The following CDYL2 variants were observed in gnomAD, a reference collection of about 807,000 sequenced individuals.
CDYL2 encodes chromodomain Y like 2, also known as chromodomain Y-like protein 2.
CDYL2 carries 23 observed loss-of-function variants against 49.4 expected under a neutral mutation model. That is an observed-to-expected ratio of 0.47 (90% confidence interval 0.34 to 0.66). CDYL2 has a LOEUF of 0.66. Ranked by LOEUF, CDYL2 falls within the 30% of genes least tolerant of loss-of-function variation. CDYL2 has a pLI of 0.01. For synonymous variants in CDYL2, 360 were observed against 268.8 expected, an observed-to-expected ratio of 1.34 and a Z score of -3.32; for missense variants, 678 against 656.4, an observed-to-expected ratio of 1.03 and a Z score of -0.36.
chr16:80,647,121 A>C (rs1228892544), intron 2 of CDYL2, among the ~76,000 whole-genome samples: 2 of 152,202 alleles, frequency 1.3e-5, no homozygotes, highest in Admixed American at 6.5e-5. Flanking sequence ...GCCACAAATA[A>C]AATTAAATAC....
chr16:80,616,673 C>A (rs928981092), intron 4 of CDYL2, among the ~76,000 whole-genome samples: 11 of 152,170 alleles, frequency 7.2e-5, no homozygotes, highest in Non-Finnish European at 1.0e-4. Flanking sequence ...CTCCAACCCA[C>A]CCCTTAGTCC....
intron 2 of CDYL2, among the ~76,000 whole-genome samples, chr16:80,672,885 C>G (rs1467625242): frequency 6.6e-6 from 1 of 152,214 alleles, no homozygotes; most frequent in African/African-American, 2.4e-5. Flanking sequence ...TTATTAACAG[C>G]AGCTCATTGG....
intron 4 of CDYL2, among the ~76,000 whole-genome samples, chr16:80,617,477 T>C (rs952963857): frequency 5.3e-5 from 8 of 152,358 alleles, no homozygotes; most frequent in African/African-American, 1.9e-4. Context: ...CTCCTTTCAA[T>C]GACAGTGCGC....
At chr16:80,713,543 T>C (rs1904692399) in intron 1 of CDYL2, among the ~76,000 whole-genome samples, 1 of 152,062 alleles carries the variant, frequency 6.6e-6, no homozygotes, top group Non-Finnish European at 1.5e-5. Flanking sequence ...GATTCCTCGG[T>C]GGGGGATGAC....
intron 1 of CDYL2, among the ~76,000 whole-genome samples, chr16:80,758,604 A>T (rs543598168): frequency 7.1e-6 from 1 of 141,564 alleles, no homozygotes; most frequent in East Asian, 2.1e-4. Flanking sequence ...GGGCAGTGGC[A>T]CGATCTCCGC....
chr16:80,768,117 C>G (rs1233732594), intron 1 of CDYL2, among the ~76,000 whole-genome samples: 2 of 152,234 alleles, frequency 1.3e-5, no homozygotes, highest in Admixed American at 1.3e-4. Flanking sequence ...ACAAGAGAAA[C>G]AGTTTGAACC....
intron 1 of CDYL2, among the ~76,000 whole-genome samples, chr16:80,753,627 C>A (rs1906212223): frequency 6.6e-6 from 1 of 151,624 alleles, no homozygotes; most frequent in Admixed American, 6.6e-5. Flanking sequence ...AAAAAAAAAT[C>A]AATTCCAGAT....
In CDYL2 at chr16:80,610,961, G is replaced by A. The variant is rs185358811; in HGVS notation, c.1218+1665C>T. Reference sequence around the variant, plus strand: ...GCCAGGCTCGCAGGGGCCACTCCACGCCACTGCCATGGCCTCATCCCTCGC... The same window carrying A: ...GCCAGGCTCGCAGGGGCCACTCCACACCACTGCCATGGCCTCATCCCTCGC... On this transcript the variant is annotated intron_variant, in intron 5 of 6. Coordinates refer to ENST00000570137, the MANE Select transcript of CDYL2 (RefSeq NM_152342.4). Among the ~76,000 whole-genome samples the A allele has an allele frequency of 3.9e-5, 6 of 152,174 alleles. No homozygotes were observed. In the East Asian group the frequency reaches 5.8e-4, roughly 15 times the overall value.
chr16:80,765,494 C>A (rs1038362236), intron 1 of CDYL2, among the ~76,000 whole-genome samples: 2 of 151,612 alleles, frequency 1.3e-5, no homozygotes, highest in Non-Finnish European at 2.9e-5. Context: ...ATGATAGGTA[C>A]ACTGGAAAAC....
intron 1 of CDYL2, among the ~76,000 whole-genome samples, chr16:80,729,603 A>C: frequency 6.6e-6 from 1 of 152,172 alleles, no homozygotes; most frequent in East Asian, 1.9e-4. Flanking sequence ...AAGCAGACCT[A>C]ATACACATCT....
intron 5 of CDYL2, among the ~76,000 whole-genome samples, chr16:80,609,075 C>T (rs1002761921): frequency 2.6e-5 from 4 of 152,152 alleles, no homozygotes; most frequent in African/African-American, 9.7e-5. Context: ...AGCAATCTTC[C>T]CTGGGGTCTG....
intron 2 of CDYL2, among the ~76,000 whole-genome samples, chr16:80,681,350 G>C (rs1260475884): frequency 6.6e-6 from 1 of 152,150 alleles, no homozygotes; most frequent in East Asian, 1.9e-4. Context: ...GGAAGGTGAG[G>C]TTAGGGAAGA....
At chr16:80,635,751 G>A (rs1298298647) in intron 2 of CDYL2, among the ~76,000 whole-genome samples, 1 of 152,116 alleles carries the variant, frequency 6.6e-6, no homozygotes, top group African/African-American at 2.4e-5. Context: ...AGTCTGTATA[G>A]CCAAGGCAAT....
intron 1 of CDYL2, among the ~76,000 whole-genome samples, chr16:80,703,684 C>T (rs750412413): frequency 3.9e-5 from 6 of 152,134 alleles, no homozygotes; most frequent in Non-Finnish European, 7.4e-5. Flanking sequence ...CCAGCCCCTC[C>T]CAGAACCGCA....
At chr16:80,608,814 T>C (rs1172776759) in intron 5 of CDYL2, among the ~76,000 whole-genome samples, 1 of 151,572 alleles carries the variant, frequency 6.6e-6, no homozygotes, top group Non-Finnish European at 1.5e-5. Context: ...GAGAGAAAGA[T>C]TAAGAGAAAG....
intron 1 of CDYL2, among the ~76,000 whole-genome samples, chr16:80,769,329 G>A (rs923209903): frequency 6.6e-6 from 1 of 152,222 alleles, no homozygotes; most frequent in African/African-American, 2.4e-5. Context: ...GTTAATGGAG[G>A]TGATGCTGAA....
intron 1 of CDYL2, among the ~76,000 whole-genome samples, chr16:80,761,239 C>T (rs578080531): frequency 2.0e-4 from 30 of 152,274 alleles, no homozygotes; most frequent in African/African-American, 7.2e-4. Context: ...GGTGGGGCTC[C>T]AGGTTGAACC....
At position 80,606,947 on chromosome 16, in the gene CDYL2, C is replaced by T. The variant is rs578103680; in HGVS notation, c.1362+1145G>A. On this transcript the variant is annotated intron_variant, in intron 6 of 6. Transcript: ENST00000570137. ...ACATGGAACAGTGAATCTATTCAAC[C>T]TCCTTTTCTTTATAAATTACCCAGT... Among the ~76,000 whole-genome samples the T allele has an allele frequency of 3.3e-5, 5 of 152,320 alleles. No homozygotes were observed. The South Asian group carries it at 1.0e-3, about 32-fold the overall frequency.
intron 2 of CDYL2, among the ~76,000 whole-genome samples, chr16:80,636,820 T>C (rs779902713): frequency 6.6e-6 from 1 of 152,090 alleles, no homozygotes; most frequent in Non-Finnish European, 1.5e-5. Context: ...CCATCAACGA[T>C]AGACTGGATT....
Sources: gnomAD v4.1 joint callset for allele counts (sites outside exome capture counted in the v4.1 genomes callset) on GRCh38, gnomAD v4.1.1 for gene constraint, MANE v1.5 for transcripts, NCBI Gene and HGNC (gene_info 2026-07-23, HGNC 2026-07-21) for gene names.